The following FOXJ3 variants were observed in gnomAD, a reference collection of about 807,000 sequenced individuals.
FOXJ3 encodes the protein forkhead box J3, also known as forkhead box protein J3.
FOXJ3 carries 22 observed loss-of-function variants against 76.1 expected under a neutral mutation model. The ratio of observed to expected loss-of-function variants is 0.29; its 90% confidence interval spans 0.21 to 0.41. The LOEUF (loss-of-function observed/expected upper bound fraction) is 0.41, where lower values mean the gene tolerates loss of function less well. FOXJ3 is among the 10% of genes least tolerant of loss of function. The probability of loss-of-function intolerance (pLI) is 1.00; values close to 1 mark genes in which losing one functional copy is unlikely to be tolerated. For synonymous variants in FOXJ3, 269 were observed against 261.2 expected, an observed-to-expected ratio of 1.03 and a Z score of -0.29; for missense variants, 613 against 762.1, an observed-to-expected ratio of 0.80 and a Z score of 2.30.
chr1:42,301,541 T>C (rs1654152216), intron 2 of FOXJ3, among the ~76,000 whole-genome samples: 1 of 152,192 alleles, frequency 6.6e-6, no homozygotes, highest in African/African-American at 2.4e-5. Context: ...TTTAAATTCA[T>C]CTGACTGGGT....
intron 5 of FOXJ3, among the ~76,000 whole-genome samples, chr1:42,217,998 T>C (rs1032897836): frequency 6.6e-6 from 1 of 152,236 alleles, no homozygotes; most frequent in African/African-American, 2.4e-5. Flanking sequence ...GAAATTCTAC[T>C]TAGACATATA....
intron 4 of FOXJ3, among the ~76,000 whole-genome samples, chr1:42,237,449 T>C (rs137874401): frequency 0.013 from 1,840 of 146,890 alleles, 43 homozygotes; most frequent in African/African-American, 0.041. Context: ...TATATATATA[T>C]ACACATACAT....
At chr1:42,205,368 ATTAT>A (rs1273669856) in intron 6 of FOXJ3, among the ~76,000 whole-genome samples, 1 of 152,204 alleles carries the variant, frequency 6.6e-6, no homozygotes, top group Non-Finnish European at 1.5e-5. Flanking sequence ...AGGCTGTCCA[ATTAT>A]TTATTTTACT....
At chr1:42,318,645 G>A (rs1426129691) in intron 1 of FOXJ3, among the ~76,000 whole-genome samples, 2 of 151,984 alleles carry the variant, frequency 1.3e-5, no homozygotes, top group Admixed American at 6.6e-5. Flanking sequence ...GCACTCAGCC[G>A]GGAAATACAA....
chr1:42,217,633 G>A (rs1202460679), intron 5 of FOXJ3, among the ~76,000 whole-genome samples: 3 of 152,120 alleles, frequency 2.0e-5, no homozygotes, highest in East Asian at 3.9e-4. Context: ...ACACTCCTCA[G>A]AGAAATTAAA....
intron 4 of FOXJ3, among the ~76,000 whole-genome samples, chr1:42,229,055 G>T (rs1647836647): frequency 6.6e-6 from 1 of 152,070 alleles, no homozygotes; most frequent in East Asian, 1.9e-4. Context: ...AACATACCAT[G>T]TTGTTTATCT....
chr1:42,180,394 T>G (rs1321860976), intron 12 of FOXJ3, among the ~76,000 whole-genome samples: 1 of 152,180 alleles, frequency 6.6e-6, no homozygotes, highest in African/African-American at 2.4e-5. Context: ...TTGTACCAGT[T>G]TGGCCATGTG....
At chr1:42,330,380 G>A (rs1371553805) in intron 1 of FOXJ3, among the ~76,000 whole-genome samples, 2 of 152,224 alleles carry the variant, frequency 1.3e-5, no homozygotes, top group Non-Finnish European at 2.9e-5. Context: ...GCTCACGCCT[G>A]TAATCCTAGC....
chr1:42,195,655 G>A (rs766674944), intron 7 of FOXJ3, among the ~76,000 whole-genome samples: 7 of 152,148 alleles, frequency 4.6e-5, no homozygotes, highest in Non-Finnish European at 8.8e-5. Context: ...TAAAGACTAC[G>A]TACTACATGA....
At chr1:42,186,857 T>C (rs1646447159) in intron 11 of FOXJ3, among the ~76,000 whole-genome samples, 1 of 152,138 alleles carries the variant, frequency 6.6e-6, no homozygotes, top group African/African-American at 2.4e-5. Context: ...TTCTTCTTCT[T>C]CTTCTTTTGA....
intron 4 of FOXJ3, among the ~76,000 whole-genome samples, chr1:42,251,290 C>T (rs567152017): frequency 6.6e-6 from 1 of 152,286 alleles, no homozygotes; most frequent in South Asian, 2.1e-4. Context: ...AATGGAACAT[C>T]TTCAAAACTG....
At chr1:42,303,132 T>C (rs1271337141) in intron 2 of FOXJ3, among the ~76,000 whole-genome samples, 12 of 152,162 alleles carry the variant, frequency 7.9e-5, no homozygotes, top group Admixed American at 7.9e-4. Flanking sequence ...AGCCTGAAAT[T>C]ACAATAAATA....
At position 42,215,236 on chromosome 1, in the gene FOXJ3, G is replaced by T. The variant is rs943527862; in HGVS notation, c.529-9373C>A. 3.3e-5 allele frequency among the ~76,000 whole-genome samples: 5 copies of T among 151,688 alleles called. No homozygotes were observed. In the East Asian group the frequency reaches 9.6e-4, roughly 29 times the overall value. ...GCTATTATAATTATTTATGCTCAAT[G>T]AAATAAAGTTAAAAAAAACTTGAAT... On this transcript the variant is annotated intron_variant, in intron 5 of 12. Coordinates refer to ENST00000361346, the MANE Select transcript of FOXJ3 (RefSeq NM_014947.5).
intron 1 of FOXJ3, among the ~76,000 whole-genome samples, chr1:42,315,882 T>C (rs573233909): frequency 1.3e-5 from 2 of 152,342 alleles, no homozygotes; most frequent in Middle Eastern, 3.4e-3. Context: ...AAAACTAATA[T>C]GTATCAAGAA....
intron 2 of FOXJ3, among the ~76,000 whole-genome samples, chr1:42,306,797 A>C (rs746924063): frequency 3.9e-5 from 6 of 152,180 alleles, no homozygotes; most frequent in African/African-American, 7.2e-5. Flanking sequence ...ACTTTTGAGG[A>C]TTTTTTAAGT....
chr1:42,179,930 C>A (rs1646284772), intron 12 of FOXJ3, 105 bp from the exon 13 acceptor site: 1 of 716,950 alleles, frequency 1.4e-6, no homozygotes, highest in Non-Finnish European at 2.5e-6. Flanking sequence ...CACATTATCT[C>A]ACTAATTCAA....
chr1:42,268,193 G>A (rs539215017), intron 3 of FOXJ3, among the ~76,000 whole-genome samples: 1 of 151,838 alleles, frequency 6.6e-6, no homozygotes, highest in South Asian at 2.1e-4. Flanking sequence ...TCAAAAAAAA[G>A]AACATCTTGA....
At chr1:42,301,683 T>A (rs1224436775) in intron 2 of FOXJ3, among the ~76,000 whole-genome samples, 1 of 152,234 alleles carries the variant, frequency 6.6e-6, no homozygotes, top group Non-Finnish European at 1.5e-5. Flanking sequence ...TTGGGTTTAT[T>A]TTTAGTGATA....
chr1:42,276,816 A>G (rs1026898953), intron 3 of FOXJ3, among the ~76,000 whole-genome samples: 1 of 152,218 alleles, frequency 6.6e-6, no homozygotes, highest in African/African-American at 2.4e-5. Flanking sequence ...CTATCCTCTG[A>G]TATGTTATGC....
Sources: allele counts gnomAD v4.1 joint callset (sites outside exome capture counted in the v4.1 genomes callset), GRCh38; gene constraint gnomAD v4.1.1; transcripts MANE v1.5; gene names NCBI Gene and HGNC (gene_info 2026-07-23, HGNC 2026-07-21).